The following ERAP2 variants were observed in gnomAD, a reference collection of about 807,000 sequenced individuals.
ERAP2 encodes leukocyte-derived arginine aminopeptidase.
Under a neutral mutation model 111.1 loss-of-function variants are expected in ERAP2, and 118 were observed. That is an observed-to-expected ratio of 1.06 (90% CI 0.92 to 1.24). The LOEUF (loss-of-function observed/expected upper bound fraction) is 1.24, where lower values mean the gene tolerates loss of function less well. Among genes scored for constraint, ERAP2 ranks in the 50% most tolerant of loss-of-function variants. ERAP2 has a pLI of 0.00. For missense variants in ERAP2, 1,131 were observed against 1,125.8 expected, an observed-to-expected ratio of 1.00 and a Z score of -0.07; for synonymous variants, 410 against 401.2, an observed-to-expected ratio of 1.02 and a Z score of -0.26.
intron 10 of ERAP2, 55 bp downstream of exon 10, chr5:96,900,244 G>C (rs1327203913): frequency 6.2e-7 from 1 of 1,608,840 alleles, no homozygotes; most frequent in South Asian, 1.1e-5. Context: ...GCCTGACCTA[G>C]AGTGAGTATG....
chr5:96,897,280 C>A (rs1186332156), intron 9 of ERAP2, among the ~76,000 whole-genome samples: 1 of 152,202 alleles, frequency 6.6e-6, no homozygotes, highest in African/African-American at 2.4e-5. Flanking sequence ...TGCTCAATCT[C>A]TAGATCATTG....
In ERAP2 at chr5:96,901,593, C is replaced by G. The variant is rs1343204680; in HGVS notation, c.1660C>G (p.Gln554Glu). ...QKGIPLLVVK[Q>E]DGCSLRLQQE... is the part of the protein sequence containing the mutation. The stretch of plus-strand genomic sequence containing the variant: ...AGGAATCCCCCTGCTGGTGGTTAAA[C>G]AAGACGGGTGTTCACTCCGACTGCA... Residue 554 changes from glutamine to glutamate, a missense_variant, in exon 11 of 19, where the codon CAA becomes GAA. Transcript: ENST00000437043. 1 of 1,614,122 alleles carries G rather than the reference C, an allele frequency of 6.2e-7. No homozygotes were observed. Among genetic ancestry groups the G allele is most frequent in the African/African-American group, 1.3e-5 (1 of 75,050 alleles).
Position 96,917,494 on chromosome 5 carries a change from A to G in ERAP2, c.2772A>G (p.Gln924=), listed in dbSNP as rs763540889. Residue 924 remains glutamine, a synonymous_variant, in exon 19 of 19, where the codon CAA becomes CAG. Transcript: ENST00000437043. The stretch of plus-strand genomic sequence containing the variant: ...TATTTTTTGAATCTCTTGAGGCTCA[A>G]GGATCACATCTGGATATTTTTCAAA... ...VKLFFESLEA[Q]GSHLDIFQTV... 1 of 1,613,434 alleles carries G rather than the reference A, an allele frequency of 6.2e-7. No individual in the cohort carries two copies. Among genetic ancestry groups the G allele is most frequent in the South Asian group, 1.1e-5 (1 of 90,950 alleles).
intron 5 of ERAP2, among the ~76,000 whole-genome samples, chr5:96,890,871 G>T (rs962342607): frequency 6.6e-6 from 1 of 152,098 alleles, no homozygotes; most frequent in African/African-American, 2.4e-5. Flanking sequence ...GTCAAGGAAA[G>T]ATTAATAACA....
Position 96,909,674 on chromosome 5 carries a change from T to G in ERAP2, c.2264T>G (p.Leu755Trp). The change falls in exon 15 of 19, where the codon TTG becomes TGG. Residue 755 changes from leucine (L) to tryptophan (W), a missense_variant. Physicochemically the swap from Leu to Trp is moderately conservative, Grantham distance 61. This residue lies in a region of ERAP2 where 279 missense variants were observed against 250.9 expected (regional missense o/e 1.11). Coordinates refer to ENST00000437043, the MANE Select transcript of ERAP2 (RefSeq NM_022350.5). ...VWDRMLRSAL[L>W]KLACDLNHAP... The stretch of plus-strand genomic sequence containing the variant: ...GACAGGATGCTCCGCTCGGCTCTCT[T>G]GAAGCTGGCCTGTGACCTGAACCAT... The G allele has an allele frequency of 2.5e-6, 4 of 1,614,226 alleles. No individual in the cohort carries two copies. Among genetic ancestry groups the G allele is most frequent in the Non-Finnish European group, 3.4e-6 (4 of 1,180,028 alleles).
chr5:96,894,047 A>C (rs993300090), intron 6 of ERAP2, among the ~76,000 whole-genome samples: 2 of 152,176 alleles, frequency 1.3e-5, no homozygotes, highest in African/African-American at 4.8e-5. Flanking sequence ...AAAGACATTG[A>C]TCTTAGCACC....
intron 9 of ERAP2, among the ~76,000 whole-genome samples, chr5:96,897,118 T>G (rs1023497894): frequency 1.3e-5 from 2 of 152,190 alleles, no homozygotes; most frequent in Non-Finnish European, 1.5e-5. Context: ...ATCCTACACT[T>G]TTATGTTCCC....
At chr5:96,897,562 C>A (rs1784998545) in intron 9 of ERAP2, among the ~76,000 whole-genome samples, 1 of 151,966 alleles carries the variant, frequency 6.6e-6, no homozygotes, top group Admixed American at 6.6e-5. Flanking sequence ...AATGTGATAG[C>A]ACCTAGCATA....
At chr5:96,878,798 C>A (rs992676676) in intron 1 of ERAP2, among the ~76,000 whole-genome samples, 11 of 152,008 alleles carry the variant, frequency 7.2e-5, no homozygotes, top group African/African-American at 2.7e-4. Flanking sequence ...TGTGGTGGCA[C>A]ATACCTGTAA....
rs1782985766 is a variant in ERAP2, at chr5:96,880,171, C to T, written c.486C>T (p.Tyr162=). The T allele has an allele frequency of 1.2e-6, 2 of 1,613,936 alleles. No homozygotes were observed. Among genetic ancestry groups the T allele is most frequent in the Admixed American group, 1.7e-5 (1 of 59,982 alleles). The stretch of plus-strand genomic sequence containing the variant: ...AGAAACTTACGCCTCACCTGAAATA[C>T]TATGTGGCTATGGACTTCCAAGCCA... ...VPEKLTPHLK[Y]YVAMDFQAKL... is the part of the protein sequence containing the mutation. Residue 162 remains tyrosine, a synonymous_variant, in exon 2 of 19, where the codon TAC becomes TAT. Coordinates refer to ENST00000437043, the MANE Select transcript of ERAP2 (RefSeq NM_022350.5).
chr5:96,884,143 A>C (rs533077501), intron 3 of ERAP2, among the ~76,000 whole-genome samples: 231 of 105,830 alleles, frequency 2.2e-3, no homozygotes, highest in African/African-American at 8.0e-3. Flanking sequence ...GTTACACAGG[A>C]AGCTTTTTTT....
upstream of ERAP2, chr5:96,876,344 A>G (rs1782523521): frequency 6.6e-6 from 1 of 152,308 alleles, no homozygotes. Context: ...TGTGCATTCT[A>G]CAAAAAGTTT....
chr5:96,893,957 T>C (rs1784623723), intron 6 of ERAP2, among the ~76,000 whole-genome samples: 1 of 152,170 alleles, frequency 6.6e-6, no homozygotes, highest in African/African-American at 2.4e-5. Flanking sequence ...CATACCTGAG[T>C]ACTATTTACA....
intron 5 of ERAP2, among the ~76,000 whole-genome samples, chr5:96,891,450 TAC>T (rs200106988): frequency 1.5e-3 from 220 of 148,692 alleles, no homozygotes; most frequent in East Asian, 6.5e-3. Context: ...TATATGTATA[TAC>T]ACACACACAC....
At chr5:96,881,169 G>C (rs1263209960) in intron 2 of ERAP2, 1 of 318,050 alleles carries the variant, frequency 3.1e-6, no homozygotes, top group Non-Finnish European at 6.2e-6. Flanking sequence ...AGATGAAATG[G>C]GAAATCACTG....
At position 96,919,613 on chromosome 5, in the gene ERAP2, TACAG is replaced by T. The variant is rs949766746; in HGVS notation, c.*2010_*2013del. The stretch of plus-strand genomic sequence containing the variant: ...ATTTCTAGGATTCTAAAGAATTGAG[TACAG>T]AAAGTAGCAATTTTATTATTTGATG... On this transcript the variant is annotated 3_prime_UTR_variant, in exon 19 of 19. Coordinates refer to ENST00000437043, the MANE Select transcript of ERAP2 (RefSeq NM_022350.5). 2 of 152,204 alleles carry T rather than the reference TACAG, an allele frequency of 1.3e-5. No individual in the cohort carries two copies. The highest frequency in any genetic ancestry group is 6.5e-5 in the Admixed American group (1 of 15,280). The allele number at this position is 152,204 out of a possible 1,614,324, so 9.4% of individuals were successfully genotyped here. A position where few individuals can be genotyped will look rare whatever the true frequency, so the allele number is the denominator to read the frequency against.
chr5:96,909,202 C>T, intron 14 of ERAP2, 85 bp downstream of exon 14: 1 of 1,365,194 alleles, frequency 7.3e-7, no homozygotes, highest in Non-Finnish European at 1.0e-6. Flanking sequence ...GTGTGAAGTC[C>T]TTGAGGTTAA....
intron 15 of ERAP2, among the ~76,000 whole-genome samples, chr5:96,911,861 T>G (rs1380727799): frequency 6.0e-5 from 2 of 33,572 alleles, no homozygotes; most frequent in South Asian, 1.1e-3. Context: ...AGTAAGACCC[T>G]GTCTCAAAAA....
Position 96,895,337 on chromosome 5 carries a change from C to A in ERAP2, c.1217C>A (p.Ala406Asp), listed in dbSNP as rs965097585. Reference sequence around the variant, plus strand: ...TACATGGAACTTATCGCTGTTAATGCTACATATCCAGAGCTGCAATTTGTA... The same window carrying A: ...TACATGGAACTTATCGCTGTTAATGATACATATCCAGAGCTGCAATTTGTA... ...AKYMELIAVN[A>D]TYPELQFDDY... Residue 406 changes from alanine to aspartate, a missense_variant, in exon 7 of 19, where the codon GCT becomes GAT. Transcript: ENST00000437043. 3.1e-6 allele frequency: 5 copies of A among 1,609,748 alleles called. No individual in the cohort carries two copies. In the African/African-American group the frequency reaches 5.4e-5, roughly 17 times the overall value.
Sources: allele counts gnomAD v4.1 joint callset (sites outside exome capture counted in the v4.1 genomes callset), GRCh38; gene constraint gnomAD v4.1.1; regional missense constraint gnomAD v4.1.1; transcripts MANE v1.5; gene names NCBI Gene and HGNC (gene_info 2026-07-23, HGNC 2026-07-21).